The following INPP4B variants were observed in gnomAD, a reference collection of about 807,000 sequenced individuals.
INPP4B encodes inositol polyphosphate 4-phosphatase type II.
In INPP4B, 55 loss-of-function variants were observed where a neutral mutation model predicts 122.5. The observed-to-expected ratio is 0.45, with a 90% CI of 0.36 to 0.56. The LOEUF is 0.56. Ranked by LOEUF, INPP4B falls within the 20% of genes least tolerant of loss-of-function variation. INPP4B has a pLI of 0.00. For missense variants in INPP4B, 1,000 were observed against 1,097.7 expected, an observed-to-expected ratio of 0.91 and a Z score of 1.26; for synonymous variants, 403 against 388.7, an observed-to-expected ratio of 1.04 and a Z score of -0.43.
intron 2 of INPP4B, among the ~76,000 whole-genome samples, chr4:142,647,620 A>G (rs546119333): frequency 6.6e-6 from 1 of 152,266 alleles, no homozygotes; most frequent in Admixed American, 6.5e-5. Flanking sequence ...AGACCAGTAA[A>G]TTCAAAAATA....
chr4:142,296,081 T>A (rs77555272), intron 9 of INPP4B, among the ~76,000 whole-genome samples: 1 of 152,138 alleles, frequency 6.6e-6, no homozygotes, highest in Non-Finnish European at 1.5e-5. Flanking sequence ...ATTTGCATTT[T>A]AAAAAAGGAA....
chr4:142,316,390 A>C (rs1438754153), intron 7 of INPP4B, among the ~76,000 whole-genome samples: 1 of 152,206 alleles, frequency 6.6e-6, no homozygotes, highest in African/African-American at 2.4e-5. Context: ...ACTATACGCA[A>C]ATAGTGGTGG....
chr4:142,097,946 G>A (rs544308125), intron 23 of INPP4B, among the ~76,000 whole-genome samples: 2 of 152,074 alleles, frequency 1.3e-5, no homozygotes, highest in Non-Finnish European at 2.9e-5. Context: ...TTACATTCTG[G>A]TAAGGAGTCC....
chr4:142,301,735 C>A (rs1197405902), intron 9 of INPP4B, among the ~76,000 whole-genome samples: 2 of 152,106 alleles, frequency 1.3e-5, no homozygotes, highest in Non-Finnish European at 2.9e-5. Flanking sequence ...TGAATGAGCA[C>A]TGAGTGAAAT....
chr4:142,555,012 T>C (rs1315422581), intron 2 of INPP4B, among the ~76,000 whole-genome samples: 1 of 152,166 alleles, frequency 6.6e-6, no homozygotes, highest in Non-Finnish European at 1.5e-5. Flanking sequence ...GCCTGGGGGA[T>C]GGCAAGCGAT....
At chr4:142,537,523 C>T (rs1428338906) in intron 2 of INPP4B, among the ~76,000 whole-genome samples, 1 of 150,148 alleles carries the variant, frequency 6.7e-6, no homozygotes, top group Non-Finnish European at 1.5e-5. Flanking sequence ...TCACAACACA[C>T]ACAATCACAT....
intron 16 of INPP4B, among the ~76,000 whole-genome samples, chr4:142,165,891 G>C (rs1381918296): frequency 6.6e-6 from 1 of 151,500 alleles, no homozygotes; most frequent in Admixed American, 6.6e-5. Context: ...TTTTATCCTC[G>C]GCCTTTTTGA....
intron 2 of INPP4B, among the ~76,000 whole-genome samples, chr4:142,633,677 T>C (rs1748478409): frequency 6.6e-6 from 1 of 151,836 alleles, no homozygotes. Flanking sequence ...AAATAAAATT[T>C]AGAAAGTAAA....
At chr4:142,504,785 G>C (rs1823798856) in intron 2 of INPP4B, among the ~76,000 whole-genome samples, 1 of 151,980 alleles carries the variant, frequency 6.6e-6, no homozygotes. Flanking sequence ...CAATGTAAAT[G>C]ATTACAAATC....
At chr4:142,379,691 T>C (rs893351758) in intron 7 of INPP4B, among the ~76,000 whole-genome samples, 7 of 152,212 alleles carry the variant, frequency 4.6e-5, no homozygotes, top group African/African-American at 1.2e-4. Flanking sequence ...ATATTACTTA[T>C]AAATAACTAG....
chr4:142,635,687 T>C (rs879576959), intron 2 of INPP4B, among the ~76,000 whole-genome samples: 1 of 151,996 alleles, frequency 6.6e-6, no homozygotes, highest in Admixed American at 6.6e-5. Flanking sequence ...AAGGGAATAA[T>C]AGATACTTGG....
chr4:142,487,328 T>A (rs1281512146), intron 2 of INPP4B, among the ~76,000 whole-genome samples: 1 of 152,166 alleles, frequency 6.6e-6, no homozygotes, highest in Non-Finnish European at 1.5e-5. Context: ...TAATACATTA[T>A]GCTAGTACCA....
At chr4:142,165,001 A>G (rs1416004180) in intron 16 of INPP4B, among the ~76,000 whole-genome samples, 1 of 151,636 alleles carries the variant, frequency 6.6e-6, no homozygotes, top group Non-Finnish European at 1.5e-5. Flanking sequence ...ACCTTAAATC[A>G]CTTTCTCAAA....
chr4:142,443,311 A>C (rs989674363), intron 3 of INPP4B, among the ~76,000 whole-genome samples: 1 of 152,156 alleles, frequency 6.6e-6, no homozygotes, highest in African/African-American at 2.4e-5. Flanking sequence ...TGCCTGGAGA[A>C]AGTGTCCCTT....
intron 1 of INPP4B, among the ~76,000 whole-genome samples, chr4:142,776,612 C>T (rs1773962832): frequency 6.6e-6 from 1 of 152,146 alleles, no homozygotes; most frequent in Non-Finnish European, 1.5e-5. Flanking sequence ...ATAAGCATTT[C>T]TGGCAAAGTG....
chr4:142,145,652 C>T (rs1226159138), intron 18 of INPP4B, among the ~76,000 whole-genome samples, 188 bp downstream of exon 18: 5 of 151,818 alleles, frequency 3.3e-5, no homozygotes, highest in East Asian at 1.9e-4. Flanking sequence ...CTAGCAGTTC[C>T]GAAAACACAA....
intron 12 of INPP4B, among the ~76,000 whole-genome samples, chr4:142,213,393 G>T (rs1156718812): frequency 1.3e-5 from 2 of 152,130 alleles, no homozygotes; most frequent in Non-Finnish European, 2.9e-5. Flanking sequence ...GGAAAGGGAG[G>T]CCATGTCCTG....
intron 11 of INPP4B, 116 bp downstream of exon 11, chr4:142,260,376 C>T (rs1177215259): frequency 4.3e-6 from 3 of 702,268 alleles, no homozygotes; most frequent in Non-Finnish European, 2.5e-6. Flanking sequence ...TATGATTTCC[C>T]AGTGTATTTA....
chr4:142,720,809 CTA>C (rs70949184), intron 2 of INPP4B, among the ~76,000 whole-genome samples: 3 of 12,946 alleles, frequency 2.3e-4, no homozygotes, highest in Non-Finnish European at 3.2e-4. Context: ...CTCTCTCTCT[CTA>C]TATATATATA....
Sources: allele counts gnomAD v4.1 joint callset (sites outside exome capture counted in the v4.1 genomes callset), GRCh38; gene constraint gnomAD v4.1.1; transcripts MANE v1.5; gene names NCBI Gene and HGNC (gene_info 2026-07-23, HGNC 2026-07-21).